PIEZO1: variants seen among roughly 807,000 people sequenced by gnomAD.
PIEZO1 encodes piezo type mechanosensitive ion channel component 1 (Er blood group), also known as piezo-type mechanosensitive ion channel component 1.
A neutral mutation model predicts 297.2 loss-of-function variants in PIEZO1; 296 were observed. That is an observed-to-expected ratio of 1.00 (90% CI 0.91 to 1.10). PIEZO1 has a LOEUF of 1.10. Ranked by LOEUF, PIEZO1 falls within the 50% of genes least tolerant of loss-of-function variation. The pLI is 0.00. For synonymous variants in PIEZO1, 2,427 were observed against 1,507.5 expected, an observed-to-expected ratio of 1.61 and a Z score of -14.13; for missense variants, 5,018 against 3,455.5, an observed-to-expected ratio of 1.45 and a Z score of -11.34.
At chr16:88,774,560 G>C (rs1907571693) in intron 1 of PIEZO1, among the ~76,000 whole-genome samples, 1 of 152,196 alleles carries the variant, frequency 6.6e-6, no homozygotes, top group African/African-American at 2.4e-5. Flanking sequence ...TATACCACGT[G>C]GAGGAGAAAC....
At chr16:88,767,687 C>G (rs1275295707) in intron 1 of PIEZO1, among the ~76,000 whole-genome samples, 1 of 152,164 alleles carries the variant, frequency 6.6e-6, no homozygotes, top group Admixed American at 6.5e-5. Flanking sequence ...CTCAGAGGAA[C>G]CAGGGTCCCC....
intron 1 of PIEZO1, among the ~76,000 whole-genome samples, chr16:88,763,894 G>A (rs572844293): frequency 3.3e-4 from 50 of 152,320 alleles, no homozygotes; most frequent in Non-Finnish European, 4.9e-4. Context: ...CTGTGAGGCC[G>A]TCACAGCCAT....
Position 88,733,303 on chromosome 16 carries a change from T to G in PIEZO1, c.2639A>C (p.Gln880Pro). The change falls in exon 19 of 51, where the codon CAG becomes CCG. Residue 880 changes from glutamine (Q) to proline (P), a missense_variant. Coordinates refer to ENST00000301015, the MANE Select transcript of PIEZO1 (RefSeq NM_001142864.4). ...CTCGGTGCAGTTGCTGGAATACTCCTGGGGGTTGACAACCTTGAGCTGGTA... is the reference window on the plus strand; with the variant it reads ...CTCGGTGCAGTTGCTGGAATACTCCGGGGGGTTGACAACCTTGAGCTGGTA... Reference protein sequence around the residue: ...MLYQLKVVNPQEYSSNCTEPF... With the variant: ...MLYQLKVVNPPEYSSNCTEPF... 1 of 1,547,848 alleles carries G rather than the reference T, an allele frequency of 6.5e-7. No homozygotes were observed. The highest frequency in any genetic ancestry group is 8.7e-7 in the Non-Finnish European group (1 of 1,144,846).
Position 88,781,631 on chromosome 16 carries a change from T to C in PIEZO1, c.64+3270A>G, listed in dbSNP as rs1907942375. Among the ~76,000 whole-genome samples, 6 of 152,360 alleles carry C rather than the reference T, an allele frequency of 3.9e-5. No individual in the cohort carries two copies. In the South Asian group the frequency reaches 1.2e-3, roughly 32 times the overall value. ...ACCCTACTCTGCCACGGCCATGCTCTTCCCAGCACCCTCGGATGGGACAGG... is the reference window on the plus strand; with the variant it reads ...ACCCTACTCTGCCACGGCCATGCTCCTCCCAGCACCCTCGGATGGGACAGG... On this transcript the variant is annotated intron_variant, in intron 1 of 50. Transcript: ENST00000301015.
chr16:88,719,213 A>AGTT (rs1912253608), intron 44 of PIEZO1: 1 of 267,414 alleles, frequency 3.7e-6, no homozygotes, highest in African/African-American at 2.2e-5. Context: ...GAAACCCCTG[A>AGTT]GTTGTACTTT....
At chr16:88,731,994 T>A in intron 21 of PIEZO1, 84 bp from the exon 22 acceptor site, 2 of 6,670 alleles carry the variant, frequency 3.0e-4, no homozygotes, top group Non-Finnish European at 4.8e-4. Context: ...GGCCTCAGGC[T>A]TGCAGCAGCC....
chr16:88,768,982 T>G (rs963915733), intron 1 of PIEZO1, among the ~76,000 whole-genome samples: 8 of 152,204 alleles, frequency 5.3e-5, no homozygotes, highest in African/African-American at 1.7e-4. Context: ...CCAGCCCTAT[T>G]CACTGCAAAG....
rs1376639451 is a variant in PIEZO1, at chr16:88,753,672, G to A, written c.65-4193C>T. On this transcript the variant is annotated intron_variant, in intron 1 of 50. Transcript: ENST00000301015. ...CGGGCATCCCGGCCGCAGGGCCACG[G>A]CTTTTCGAAACACTCCTTGGATCTA... 2.0e-5 allele frequency among the ~76,000 whole-genome samples: 3 copies of A among 152,208 alleles called. No homozygotes were observed. The East Asian group carries it at 5.8e-4, about 29-fold the overall frequency.
chr16:88,715,446 C>A lies in PIEZO1; in HGVS notation c.*159G>T. The A allele has an allele frequency of 1.1e-6, 1 of 951,032 alleles. No homozygotes were observed. The allele number at this position is 951,032 out of a possible 1,614,324, so 58.9% of individuals were successfully genotyped here. On this transcript the variant is annotated 3_prime_UTR_variant, in exon 51 of 51. Transcript: ENST00000301015. ...CAGGCCGTGGGGACGCAGTGTCCTT[C>A]TCTGACAGCAGCATCAGGGCTCAGG...
chr16:88,716,983 C>A, intron 45 of PIEZO1, 40 bp downstream of exon 45: 1 of 1,548,512 alleles, frequency 6.5e-7, no homozygotes, highest in African/African-American at 1.4e-5. Context: ...CCAGAACCCC[C>A]AGGGGATGGG....
chr16:88,732,698 T>C lies in PIEZO1; in HGVS notation c.2699A>G (p.Glu900Gly). The C allele has an allele frequency of 6.5e-7, 1 of 1,549,030 alleles. No individual in the cohort carries two copies. The highest frequency in any genetic ancestry group is 8.7e-7 in the Non-Finnish European group (1 of 1,146,158). Reference sequence around the variant, plus strand: ...CCGGTACAGCAGGGACTGGCTGATCTCCGTGGGCAGCAAGTTGGTGCTGTT... The same window carrying C: ...CCGGTACAGCAGGGACTGGCTGATCCCCGTGGGCAGCAAGTTGGTGCTGTT... ...FPNSTNLLPT[E>G]ISQSLLYRGP... The change falls in exon 20 of 51, where the codon GAG becomes GGG. Residue 900 changes from glutamate (E) to glycine (G), a missense_variant. Coordinates refer to ENST00000301015, the MANE Select transcript of PIEZO1 (RefSeq NM_001142864.4).
chr16:88,760,070 T>TCCACGCCTGGCCCACCCC (rs57446901), intron 1 of PIEZO1, among the ~76,000 whole-genome samples: 66,586 of 139,706 alleles, frequency 0.48, 15,960 homozygotes, highest in African/African-American at 0.67. Context: ...TGACACCTGG[T>TCCACGCCTGGCCCACCCC]CCACGCCTGG....
chr16:88,717,954 A>G (rs2142754678), intron 44 of PIEZO1: 2 of 361,646 alleles, frequency 5.5e-6, no homozygotes, highest in East Asian at 1.5e-4. Flanking sequence ...CTGGTGGTGC[A>G]CACCTGTAGT....
chr16:88,733,137 G>T (rs1290051627), intron 19 of PIEZO1, 141 bp downstream of exon 19: 10 of 751,010 alleles, frequency 1.3e-5, no homozygotes, highest in Non-Finnish European at 2.1e-5. Context: ...CCTCCAGGAA[G>T]CCCCCTTGGC....
intron 1 of PIEZO1, among the ~76,000 whole-genome samples, chr16:88,778,036 T>C (rs1280444616): frequency 6.6e-6 from 1 of 152,204 alleles, no homozygotes; most frequent in Admixed American, 6.5e-5. Flanking sequence ...GGGAATCTGT[T>C]TAAGTCACAG....
intron 22 of PIEZO1, among the ~76,000 whole-genome samples, chr16:88,728,375 C>A (rs1475568479): frequency 6.6e-6 from 1 of 152,188 alleles, no homozygotes; most frequent in Non-Finnish European, 1.5e-5. Context: ...GAGGGAACCT[C>A]GCGACACAAA....
At chr16:88,735,513 G>A (rs539113363) in intron 12 of PIEZO1, among the ~76,000 whole-genome samples, 3 of 152,390 alleles carry the variant, frequency 2.0e-5, no homozygotes, top group South Asian at 2.1e-4. Flanking sequence ...ACTAGTTCAC[G>A]TGGGCACAGA....
chr16:88,725,134 G>C (rs921178398), intron 29 of PIEZO1, 54 bp from the exon 30 acceptor site: 3 of 1,253,966 alleles, frequency 2.4e-6, no homozygotes, highest in South Asian at 1.4e-5. Context: ...AGGAGGGGTC[G>C]GGGCTGTGAG....
At chr16:88,749,119 A>T (rs962018549) in intron 2 of PIEZO1, among the ~76,000 whole-genome samples, 2 of 145,284 alleles carry the variant, frequency 1.4e-5, no homozygotes, top group African/African-American at 4.9e-5. Context: ...GGGCGCCTGT[A>T]GTCCCAGCTA....
Sources: gnomAD v4.1 joint callset for allele counts (sites outside exome capture counted in the v4.1 genomes callset) on GRCh38, gnomAD v4.1.1 for gene constraint, MANE v1.5 for transcripts, NCBI Gene and HGNC (gene_info 2026-07-23, HGNC 2026-07-21) for gene names.